The following LARP1B variants were observed in gnomAD, a reference collection of about 807,000 sequenced individuals.
LARP1B encodes la-related protein 1B.
In LARP1B, 76 loss-of-function variants were observed where a neutral mutation model predicts 114.2. The ratio of observed to expected loss-of-function variants is 0.67; its 90% CI spans 0.55 to 0.81. The LOEUF is 0.81. Ranked by LOEUF, LARP1B falls within the 30% of genes least tolerant of loss-of-function variation. LARP1B has a pLI of 0.00. For synonymous variants in LARP1B, 345 were observed against 348.0 expected, an observed-to-expected ratio of 0.99 and a Z score of 0.10; for missense variants, 1,014 against 1,075.8, an observed-to-expected ratio of 0.94 and a Z score of 0.80.
intron 1 of LARP1B, 68 bp from the exon 2 acceptor site, chr4:128,074,392 A>G (rs1766998552): frequency 8.1e-6 from 2 of 247,222 alleles, no homozygotes; most frequent in Non-Finnish European, 1.3e-5. Context: ...TGAAATTGAC[A>G]TAATAGTTAT....
At chr4:128,207,706 T>A (rs1293389667) in intron 19 of LARP1B, among the ~76,000 whole-genome samples, 1 of 152,260 alleles carries the variant, frequency 6.6e-6, no homozygotes, top group Non-Finnish European at 1.5e-5. Flanking sequence ...TGAAAACTTT[T>A]CACTTTTTAA....
chr4:128,127,600 G>A (rs1036688468), intron 11 of LARP1B, among the ~76,000 whole-genome samples: 4 of 152,170 alleles, frequency 2.6e-5, no homozygotes, highest in Admixed American at 1.3e-4. Context: ...TCGGGAGGCC[G>A]AGGTGGGTGT....
chr4:128,208,929 AT>A (rs1758322939), intron 19 of LARP1B, among the ~76,000 whole-genome samples: 1 of 152,220 alleles, frequency 6.6e-6, no homozygotes, highest in Non-Finnish European at 1.5e-5. Flanking sequence ...TTATTTAAAC[AT>A]TTTCACTTAA....
intron 11 of LARP1B, chr4:128,155,845 G>A (rs1249113287): frequency 6.4e-7 from 1 of 1,569,440 alleles, no homozygotes; most frequent in Non-Finnish European, 8.8e-7. Context: ...AGAGATCGAG[G>A]AGCTGCAGAA....
At chr4:128,172,581 T>A (rs913447380) in intron 12 of LARP1B, among the ~76,000 whole-genome samples, 18 of 151,628 alleles carry the variant, frequency 1.2e-4, no homozygotes, top group Admixed American at 7.2e-4. Flanking sequence ...TAATCCAAGG[T>A]ACTTGGGAGG....
chr4:128,153,234 C>T (rs1238445140), intron 11 of LARP1B, among the ~76,000 whole-genome samples: 1 of 151,556 alleles, frequency 6.6e-6, no homozygotes, highest in Non-Finnish European at 1.5e-5. Flanking sequence ...CCGCCTGCCT[C>T]GACCTCCCAA....
chr4:128,208,857 A>G (rs1758300937), intron 19 of LARP1B, among the ~76,000 whole-genome samples: 1 of 152,224 alleles, frequency 6.6e-6, no homozygotes, highest in Non-Finnish European at 1.5e-5. Flanking sequence ...TAAACCTTCA[A>G]ACTTGCTAAC....
chr4:128,128,638 G>A (rs1191024062), intron 11 of LARP1B, among the ~76,000 whole-genome samples: 5 of 152,072 alleles, frequency 3.3e-5, no homozygotes, highest in Non-Finnish European at 4.4e-5. Context: ...AATATACCAC[G>A]TATTGCTGGC....
In LARP1B at chr4:128,073,584, T is replaced by TGTTTG. The variant is rs1561056636; in HGVS notation, c.-77-876_-77-875insGTTTG. 3.7e-3 allele frequency among the ~76,000 whole-genome samples: 96 copies of TGTTTG among 26,206 alleles called. 1 individual carries two copies. Among genetic ancestry groups the TGTTTG allele is most frequent in the Middle Eastern group, 0.017 (1 of 58 alleles). The allele number at this position is 26,206 out of a possible 152,430, so 17.2% of individuals were successfully genotyped here. A position where few individuals can be genotyped will look rare whatever the true frequency, so the allele number is the denominator to read the frequency against. On this transcript the variant is annotated intron_variant, in intron 1 of 19. Transcript: ENST00000326639. ...TTATATTGTTGTCGTTTTTTTTTTT[T>TGTTTG]TTTTTTTTTTTTTTTTTTTTTTTTT...
At chr4:128,197,880 C>CTTTTTT (rs35888649) in intron 15 of LARP1B, among the ~76,000 whole-genome samples, 149 of 86,978 alleles carry the variant, frequency 1.7e-3, no homozygotes, top group Non-Finnish European at 2.2e-3. Context: ...ACGATTGTAG[C>CTTTTTT]TTTTTTTTTT....
intron 17 of LARP1B, among the ~76,000 whole-genome samples, chr4:128,205,647 G>GT (rs1757371595): frequency 6.6e-6 from 1 of 151,842 alleles, no homozygotes; most frequent in African/African-American, 2.4e-5. Flanking sequence ...TACCATTATA[G>GT]TTGAATGGGA....
At chr4:128,155,771 AACTG>A in intron 11 of LARP1B, 3 of 1,600,594 alleles carry the variant, frequency 1.9e-6, no homozygotes, top group East Asian at 4.5e-5. Context: ...TGGAGGAAGG[AACTG>A]ACTGACTTCC....
intron 11 of LARP1B, among the ~76,000 whole-genome samples, chr4:128,136,343 A>G (rs1725305919): frequency 6.6e-6 from 1 of 151,684 alleles, no homozygotes; most frequent in Admixed American, 6.6e-5. Flanking sequence ...AAAACAAAAC[A>G]AAAAACAAAA....
chr4:128,103,388 G>T (rs1355948758), intron 8 of LARP1B, among the ~76,000 whole-genome samples: 1 of 151,948 alleles, frequency 6.6e-6, no homozygotes. Flanking sequence ...GGAAAAAAAA[G>T]GTATATGGTA....
chr4:128,158,451 A>C (rs1486324740), intron 11 of LARP1B, among the ~76,000 whole-genome samples: 1 of 152,210 alleles, frequency 6.6e-6, no homozygotes, highest in Admixed American at 6.5e-5. Context: ...GATAAATTGC[A>C]CTACATTAAA....
intron 8 of LARP1B, among the ~76,000 whole-genome samples, chr4:128,099,467 A>G (rs1779496670): frequency 6.6e-6 from 1 of 151,802 alleles, no homozygotes. Context: ...TTGTATTTTT[A>G]GTAGAGACAG....
Position 128,077,914 on chromosome 4 carries a change from G to A in LARP1B, c.169G>A (p.Glu57Lys). 6.2e-7 allele frequency: 1 copy of A among 1,613,210 alleles called. No homozygotes were observed. The highest frequency in any genetic ancestry group is 8.5e-7 in the Non-Finnish European group (1 of 1,179,786). Residue 57 changes from glutamate (E) to lysine (K), a missense_variant, in exon 4 of 20, where the codon GAA (glutamate) becomes AAA (lysine). Physicochemically the swap from Glu to Lys is moderately conservative, Grantham distance 56. Coordinates refer to ENST00000326639, the MANE Select transcript of LARP1B (RefSeq NM_018078.4). ...NRETKLNGPG[E>K]NVSEDEAQSS... ...GGAAACAAAATTAAATGGTCCTGGT[G>A]AAAACGTCAGTGAGGATGAGGCTCA...
Position 128,211,295 on chromosome 4 carries a change from G to T in LARP1B, c.*1242G>T, listed in dbSNP as rs950471126. Reference sequence around the variant, plus strand: ...CTACATAATTTACAGATATTTTGTTGTATTGGCAAAAGCAAGTGGTTTCCA... The same window carrying T: ...CTACATAATTTACAGATATTTTGTTTTATTGGCAAAAGCAAGTGGTTTCCA... On this transcript the variant is annotated 3_prime_UTR_variant, in exon 20 of 20. Transcript: ENST00000326639. The T allele has an allele frequency of 1.2e-5, 12 of 968,682 alleles. No individual in the cohort carries two copies. Among genetic ancestry groups the T allele is most frequent in the Admixed American group, 6.2e-5 (1 of 16,222 alleles). 60.0% of individuals were successfully genotyped at this position (968,682 alleles called of 1,614,324 possible).
chr4:128,089,654 A>G (rs1775099918), intron 5 of LARP1B, among the ~76,000 whole-genome samples: 1 of 151,846 alleles, frequency 6.6e-6, no homozygotes, highest in Admixed American at 6.6e-5. Context: ...ACCTTTTTAA[A>G]CTTTGTCAAC....
Sources: gnomAD v4.1 joint callset for allele counts (sites outside exome capture counted in the v4.1 genomes callset) on GRCh38, gnomAD v4.1.1 for gene constraint, MANE v1.5 for transcripts, NCBI Gene and HGNC (gene_info 2026-07-23, HGNC 2026-07-21) for gene names.